Variants in FAM83D observed in about 807,000 individuals in gnomAD.
FAM83D encodes the protein protein FAM83D.
FAM83D carries 26 observed loss-of-function variants against 25.4 expected under a neutral mutation model. The observed-to-expected ratio is 1.02, with a 90% CI of 0.75 to 1.42. The LOEUF is 1.42. FAM83D is among the 40% of genes most tolerant of loss of function. The pLI is 0.00. For missense variants in FAM83D, 740 were observed against 758.1 expected (o/e 0.98, Z 0.28); for synonymous variants, 310 against 318.5 (o/e 0.97, Z 0.28).
intron 3 of FAM83D, among the ~76,000 whole-genome samples, chr20:38,949,755 G>C (rs2085745119): frequency 6.6e-6 from 1 of 152,158 alleles, no homozygotes; most frequent in African/African-American, 2.4e-5. Context: ...ACTATATCCT[G>C]GTTCTGATGT....
intron 1 of FAM83D, among the ~76,000 whole-genome samples, chr20:38,928,426 G>C (rs886244524): frequency 1.3e-5 from 2 of 152,222 alleles, no homozygotes; most frequent in Non-Finnish European, 2.9e-5. Flanking sequence ...GCCCTGAGGT[G>C]CTTTGGGTGG....
intron 1 of FAM83D, among the ~76,000 whole-genome samples, chr20:38,937,977 G>A (rs537836588): frequency 7.9e-5 from 12 of 152,114 alleles, no homozygotes; most frequent in Admixed American, 4.6e-4. Flanking sequence ...AAAAATAGAC[G>A]AATATTTTTA....
intron 3 of FAM83D, among the ~76,000 whole-genome samples, chr20:38,948,599 C>T (rs1035622644): frequency 3.3e-5 from 5 of 152,242 alleles, no homozygotes; most frequent in African/African-American, 1.2e-4. Flanking sequence ...GAGCGGTTTA[C>T]ATGAATCTCT....
chr20:38,941,102 A>G (rs1187421004), intron 1 of FAM83D, among the ~76,000 whole-genome samples: 1 of 152,194 alleles, frequency 6.6e-6, no homozygotes, highest in Non-Finnish European at 1.5e-5. Context: ...TGGGGAGAAG[A>G]AAGGCCTGTT....
chr20:38,929,948 G>A (rs1438914738), intron 1 of FAM83D, among the ~76,000 whole-genome samples: 1 of 152,214 alleles, frequency 6.6e-6, no homozygotes, highest in Non-Finnish European at 1.5e-5. Context: ...GAATGAAGGA[G>A]CCTGTACTCA....
chr20:38,926,560 G>C lies in FAM83D; in HGVS notation c.118G>C (p.Val40Leu). ...ESRRLALEELVAGGPEAFAAF... is the reference protein window; with the variant it reads ...ESRRLALEELLAGGPEAFAAF... ...ACGGCGCCTGGCTCTGGAGGAGCTGGTGGCGGGCGGCCCCGAAGCCTTCGC... is the reference window on the plus strand; with the variant it reads ...ACGGCGCCTGGCTCTGGAGGAGCTGCTGGCGGGCGGCCCCGAAGCCTTCGC... Residue 40 changes from valine (V) to leucine (L), a missense_variant, in exon 1 of 4, where the codon GTG (valine) becomes CTG (leucine). Physicochemically the swap from Val to Leu is conservative, Grantham distance 32. Around this residue, in one of 3 missense-constraint regions of FAM83D, gnomAD observed 333 missense variants for 298.6 expected, o/e 1.12. Transcript: ENST00000619850. 1 of 1,571,192 alleles carries C rather than the reference G, an allele frequency of 6.4e-7. No individual in the cohort carries two copies. Among genetic ancestry groups the C allele is most frequent in the Non-Finnish European group, 8.6e-7 (1 of 1,165,846 alleles).
intron 1 of FAM83D, 29 bp downstream of exon 1, chr20:38,926,954 C>A (rs1258711002): frequency 4.2e-6 from 6 of 1,412,420 alleles, no homozygotes; most frequent in Non-Finnish European, 5.5e-6. Flanking sequence ...CCCTGGGTCG[C>A]ACGGGAGACC....
rs1264225610 is a variant in FAM83D, at chr20:38,951,683, CA to C, written c.922del (p.Ser308AlafsTer95). Reference protein sequence around the residue: ...SPKLLSHFQSSNKFDHLTNRK... With the variant: ...SPKLLSHFQSXNKFDHLTNRK... ...CCAAACTCCTGTCTCACTTCCAGAG[CA>C]GCAACAAGTTTGATCACCTCACCAA... On this transcript the variant is annotated frameshift_variant, in exon 4 of 4. Transcript: ENST00000619850. LOFTEE classifies it low-confidence loss of function (END_TRUNC). 1 of 1,614,096 alleles carries C rather than the reference CA, an allele frequency of 6.2e-7. No homozygotes were observed. Among genetic ancestry groups the C allele is most frequent in the African/African-American group, 1.3e-5 (1 of 74,932 alleles).
Position 38,926,716 on chromosome 20 carries a change from T to G in FAM83D, c.274T>G (p.Ser92Ala). Residue 92 changes from serine to alanine, a missense_variant, in exon 1 of 4, where the codon TCC (serine) becomes GCC (alanine). Ser to Ala is a moderately conservative substitution (Grantham distance 99, BLOSUM62 1). Coordinates refer to ENST00000619850, the MANE Select transcript of FAM83D (RefSeq NM_030919.3). Reference protein sequence around the residue: ...AAAAAEDSFGSSHDCSSGTYF... With the variant: ...AAAAAEDSFGASHDCSSGTYF... ...GGCGGCGGCCGAGGACTCGTTCGGC[T>G]CCTCGCACGACTGCTCTTCGGGCAC... is the stretch of plus-strand genomic sequence containing the variant. The G allele has an allele frequency of 6.6e-7, 1 of 1,522,396 alleles. No homozygotes were observed. Among genetic ancestry groups the G allele is most frequent in the South Asian group, 1.2e-5 (1 of 82,216 alleles). 94.3% of individuals were successfully genotyped at this position (1,522,396 alleles called of 1,614,324 possible). A position where few individuals can be genotyped will look rare whatever the true frequency, so the allele number is the denominator to read the frequency against.
intron 2 of FAM83D, among the ~76,000 whole-genome samples, chr20:38,944,271 G>A (rs117171431): frequency 0.012 from 1,799 of 152,326 alleles, 23 homozygotes; most frequent in South Asian, 0.022. Context: ...CAGAGTTCTT[G>A]TTGGTTGCCT....
At chr20:38,937,498 T>C (rs1474015109) in intron 1 of FAM83D, among the ~76,000 whole-genome samples, 2 of 152,168 alleles carry the variant, frequency 1.3e-5, no homozygotes, top group East Asian at 3.8e-4. Flanking sequence ...AGGTCATTGC[T>C]CAGCTCAGTG....
At chr20:38,935,600 C>G (rs192521754) in intron 1 of FAM83D, among the ~76,000 whole-genome samples, 2 of 152,162 alleles carry the variant, frequency 1.3e-5, no homozygotes, top group Non-Finnish European at 2.9e-5. Flanking sequence ...CATGCCACCA[C>G]GCCCAGATAA....
At chr20:38,938,983 C>T (rs745516352) in intron 1 of FAM83D, among the ~76,000 whole-genome samples, 3 of 152,228 alleles carry the variant, frequency 2.0e-5, no homozygotes, top group Non-Finnish European at 4.4e-5. Flanking sequence ...TACTCTTATA[C>T]AGGCAATGTG....
At chr20:38,940,934 A>G (rs1405707462) in intron 1 of FAM83D, among the ~76,000 whole-genome samples, 2 of 152,222 alleles carry the variant, frequency 1.3e-5, no homozygotes, top group Non-Finnish European at 2.9e-5. Context: ...TAACATAGTC[A>G]TTTAGTTCTC....
chr20:38,943,884 G>A (rs940735085), intron 2 of FAM83D, among the ~76,000 whole-genome samples: 1 of 152,048 alleles, frequency 6.6e-6, no homozygotes, highest in African/African-American at 2.4e-5. Context: ...TAGAGACAGG[G>A]TTTCACCATG....
chr20:38,938,459 C>T (rs1423987326), intron 1 of FAM83D, among the ~76,000 whole-genome samples: 1 of 152,210 alleles, frequency 6.6e-6, no homozygotes, highest in Non-Finnish European at 1.5e-5. Context: ...CTGCCTGCCT[C>T]GATTGGGTCC....
chr20:38,948,045 G>A, intron 3 of FAM83D, 45 bp downstream of exon 3: 1 of 1,603,378 alleles, frequency 6.2e-7, no homozygotes, highest in Non-Finnish European at 8.5e-7. Flanking sequence ...AAACTCTTCA[G>A]AAGAAGCATG....
At chr20:38,942,745 A>G (rs190199981) in intron 2 of FAM83D, among the ~76,000 whole-genome samples, 205 of 152,342 alleles carry the variant, frequency 1.3e-3, no homozygotes, top group African/African-American at 4.9e-3. Flanking sequence ...GGTTGCATAT[A>G]TCTGTGGATA....
At chr20:38,942,686 T>C (rs2085708145) in intron 2 of FAM83D, among the ~76,000 whole-genome samples, 1 of 152,238 alleles carries the variant, frequency 6.6e-6, no homozygotes, top group South Asian at 2.1e-4. Flanking sequence ...TTTTAGCACT[T>C]TCTTTTTAAA....
Sources: gnomAD v4.1 joint callset for allele counts (sites outside exome capture counted in the v4.1 genomes callset) on GRCh38, gnomAD v4.1.1 for gene constraint, gnomAD v4.1.1 regional missense constraint, MANE v1.5 for transcripts, NCBI Gene and HGNC (gene_info 2026-07-23, HGNC 2026-07-21) for gene names.